The following SENP6 variants were observed in gnomAD, a reference collection of about 807,000 sequenced individuals.
The protein encoded by SENP6 is sentrin-specific protease 6.
SENP6 carries 41 observed loss-of-function variants against 134.5 expected under a neutral mutation model. That is an observed-to-expected ratio of 0.30 (90% CI 0.24 to 0.40). SENP6 has a LOEUF of 0.40. Among genes scored for constraint, SENP6 ranks in the 10% least tolerant of loss-of-function variants. The probability of loss-of-function intolerance (pLI) is 1.00; values close to 1 mark genes in which losing one functional copy is unlikely to be tolerated. For synonymous variants in SENP6, 395 were observed against 429.8 expected (o/e 0.92, Z 1.00); for missense variants, 1,248 against 1,312.5 (o/e 0.95, Z 0.76).
intron 11 of SENP6, among the ~76,000 whole-genome samples, chr6:75,672,712 T>C (rs1772769131): frequency 6.6e-6 from 1 of 152,218 alleles, no homozygotes; most frequent in African/African-American, 2.4e-5. Flanking sequence ...GAGAAACAGG[T>C]TTTAAATGTT....
chr6:75,693,912 ATTG>A (rs1257523910), intron 16 of SENP6, among the ~76,000 whole-genome samples: 3 of 152,198 alleles, frequency 2.0e-5, no homozygotes, highest in Non-Finnish European at 4.4e-5. Flanking sequence ...ATAAACGACT[ATTG>A]TTACTTGTTT....
chr6:75,659,367 C>T lies in SENP6; in HGVS notation c.656C>T (p.Pro219Leu), dbSNP rs199928355. 6 of 1,610,448 alleles carry T rather than the reference C, an allele frequency of 3.7e-6. No homozygotes were observed. Among genetic ancestry groups the T allele is most frequent in the African/African-American group, 1.3e-5 (1 of 74,762 alleles). ...RHCSTYQPTP[P>L]LSPASKKCLT... The stretch of plus-strand genomic sequence containing the variant: ...TGTAGTACCTATCAGCCTACTCCTC[C>T]TCTATCTCCTGCTTCAAAAAAATGT... Residue 219 changes from proline to leucine, a missense_variant, in exon 8 of 24, where the codon CCT (proline) becomes CTT (leucine). Transcript: ENST00000447266.
chr6:75,698,736 C>T (rs373002100), intron 18 of SENP6, among the ~76,000 whole-genome samples: 1 of 152,054 alleles, frequency 6.6e-6, no homozygotes, highest in Non-Finnish European at 1.5e-5. Context: ...TTTGGCTGGG[C>T]GTGGTGGCTC....
At chr6:75,701,435 A>G (rs1775017840) in intron 18 of SENP6, among the ~76,000 whole-genome samples, 2 of 152,224 alleles carry the variant, frequency 1.3e-5, no homozygotes, top group Admixed American at 1.3e-4. Flanking sequence ...GGACTAGGTT[A>G]GATATGTTAT....
chr6:75,646,168 G>A (rs1770420065), intron 6 of SENP6, among the ~76,000 whole-genome samples: 1 of 152,114 alleles, frequency 6.6e-6, no homozygotes, highest in Non-Finnish European at 1.5e-5. Context: ...TTGAAAATAT[G>A]CATTTTATTT....
chr6:75,652,377 TTA>T (rs1770936474), intron 7 of SENP6, among the ~76,000 whole-genome samples: 2 of 151,850 alleles, frequency 1.3e-5, no homozygotes, highest in African/African-American at 4.8e-5. Flanking sequence ...CCCACTATGT[TTA>T]TGTGGCATAA....
chr6:75,663,820 GT>G (rs1385605916), intron 9 of SENP6, among the ~76,000 whole-genome samples: 7,345 of 83,970 alleles, frequency 0.087, 343 homozygotes, highest in Non-Finnish European at 0.1. Flanking sequence ...TTTTTTTTTT[GT>G]GGGGGGGGGG....
intron 3 of SENP6, 28 bp downstream of exon 3, chr6:75,623,988 T>C: frequency 6.4e-7 from 1 of 1,551,312 alleles, no homozygotes; most frequent in Non-Finnish European, 8.8e-7. Context: ...TATTTTCTTC[T>C]TTTACATTAT....
At chr6:75,679,367 C>T in intron 16 of SENP6, 1 of 159,744 alleles carries the variant, frequency 6.3e-6, no homozygotes, top group East Asian at 1.9e-4. Flanking sequence ...GATGGCGCCA[C>T]TGCACTCCAG....
intron 16 of SENP6, among the ~76,000 whole-genome samples, chr6:75,693,494 C>G (rs1320891090): frequency 6.6e-6 from 1 of 151,226 alleles, no homozygotes; most frequent in Non-Finnish European, 1.5e-5. Context: ...ACAGTATAGT[C>G]CCTGGACTGA....
chr6:75,687,667 A>G (rs778062102), intron 16 of SENP6, among the ~76,000 whole-genome samples: 6 of 152,196 alleles, frequency 3.9e-5, no homozygotes, highest in Non-Finnish European at 7.3e-5. Flanking sequence ...TCTAACAGTC[A>G]GGTCCCTCAG....
chr6:75,680,826 A>C (rs887102337), intron 16 of SENP6, among the ~76,000 whole-genome samples: 1 of 152,148 alleles, frequency 6.6e-6, no homozygotes, highest in Non-Finnish European at 1.5e-5. Flanking sequence ...GAGAACATGT[A>C]CTTTTAGTCC....
At chr6:75,621,112 T>TA (rs557217118) in intron 1 of SENP6, among the ~76,000 whole-genome samples, 120 of 152,336 alleles carry the variant, frequency 7.9e-4, no homozygotes, top group African/African-American at 2.8e-3. Flanking sequence ...TTTCTTCTGT[T>TA]AAAAGGCAGG....
At chr6:75,712,601 A>G (rs955863622) in intron 21 of SENP6, among the ~76,000 whole-genome samples, 7 of 152,246 alleles carry the variant, frequency 4.6e-5, no homozygotes, top group Non-Finnish European at 8.8e-5. Context: ...TTTGGGCTCT[A>G]CATTAGACTT....
In SENP6 at chr6:75,696,098, G is replaced by C. The variant is rs569500023; in HGVS notation, c.2195+175G>C. On this transcript the variant is annotated intron_variant, in intron 17 of 23. Coordinates refer to ENST00000447266, the MANE Select transcript of SENP6 (RefSeq NM_015571.4). ...ATCAGTTCCATTTTCATTCTTCATG[G>C]GTTCATATTCACCTTCCTTAAACTA... 5.9e-5 allele frequency among the ~76,000 whole-genome samples: 9 copies of C among 152,124 alleles called. No individual in the cohort carries two copies. The East Asian group carries it at 1.7e-3, about 29-fold the overall frequency.
intron 16 of SENP6, among the ~76,000 whole-genome samples, chr6:75,684,143 T>G (rs11751588): frequency 0.26 from 40,096 of 152,108 alleles, 6,225 homozygotes; most frequent in Non-Finnish European, 0.37. Context: ...CTAGGTATTT[T>G]ATTCTCTTTG....
At chr6:75,658,729 T>C (rs1771531426) in intron 7 of SENP6, among the ~76,000 whole-genome samples, 1 of 151,950 alleles carries the variant, frequency 6.6e-6, no homozygotes, top group Non-Finnish European at 1.5e-5. Context: ...CAGATTTTTC[T>C]CATTACTACT....
rs1766761739 is a variant in SENP6, at chr6:75,603,088, TGTC to T, written c.52+513_52+515del. 3.9e-5 allele frequency among the ~76,000 whole-genome samples: 6 copies of T among 152,182 alleles called. No individual in the cohort carries two copies. In the South Asian group the frequency reaches 1.2e-3, roughly 31 times the overall value. On this transcript the variant is annotated intron_variant, in intron 1 of 23. Transcript: ENST00000447266. ...CCAGCCTTCAGATTAGGCCTGGCCT[TGTC>T]TGATATTCTTTCGGAATGTGTTTTT...
At chr6:75,604,614 G>A (rs1487837690) in intron 1 of SENP6, among the ~76,000 whole-genome samples, 2 of 146,410 alleles carry the variant, frequency 1.4e-5, no homozygotes, top group African/African-American at 4.9e-5. Flanking sequence ...AACTGAGCGA[G>A]ATTCTGTCTC....
Sources: allele counts gnomAD v4.1 joint callset (sites outside exome capture counted in the v4.1 genomes callset), GRCh38; gene constraint gnomAD v4.1.1; transcripts MANE v1.5; gene names NCBI Gene and HGNC (gene_info 2026-07-23, HGNC 2026-07-21).